The following MYH10 variants were observed in gnomAD, a reference collection of about 807,000 sequenced individuals.
MYH10 encodes myosin-10.
Under a neutral mutation model 257.8 loss-of-function variants are expected in MYH10, and 55 were observed. That is an observed-to-expected ratio of 0.21 (90% CI 0.17 to 0.27). MYH10 has a LOEUF of 0.27. MYH10 is among the 10% of genes least tolerant of loss of function. The pLI, the probability that MYH10 is intolerant of heterozygous loss-of-function variation, is 1.00. For missense variants in MYH10, 1,631 were observed against 2,500.6 expected, an observed-to-expected ratio of 0.65 and a Z score of 7.42; for synonymous variants, 854 against 921.7, an observed-to-expected ratio of 0.93 and a Z score of 1.33.
rs143734982 is a variant in MYH10, at chr17:8,504,566, C to T, written c.3599+128G>A. ...TTTCTAACCATTACCATTTAATCAC[C>T]GTTCCACCTGCCATCACAAGGAAAA... is the stretch of plus-strand genomic sequence containing the variant. On this transcript the variant is annotated intron_variant, in intron 28 of 42. Transcript: ENST00000360416. This position sits in a 1 kb window ranked among gnomAD's most constrained non-coding sequence, Gnocchi z 5.6. The T allele has an allele frequency of 2.2e-3, 1,712 of 768,866 alleles. 3 individuals carry two copies. Among genetic ancestry groups the T allele is most frequent in the Non-Finnish European group, 3.2e-3 (1,498 of 474,940 alleles). The allele number at this position is 768,866 out of a possible 1,614,324, so 47.6% of individuals were successfully genotyped here.
intron 2 of MYH10, among the ~76,000 whole-genome samples, chr17:8,607,746 T>G (rs563933009): frequency 1.3e-4 from 20 of 152,322 alleles, no homozygotes; most frequent in African/African-American, 4.6e-4. Context: ...ACTAAGCTTC[T>G]TTAAGAAACA....
chr17:8,592,114 T>C (rs1261053664), intron 3 of MYH10, among the ~76,000 whole-genome samples: 2 of 152,236 alleles, frequency 1.3e-5, no homozygotes, highest in East Asian at 3.9e-4. Context: ...TAGGGACTCA[T>C]TTGATAGCTC....
chr17:8,543,480 G>GTTT lies in MYH10; in HGVS notation c.1432-1203_1432-1201dup, dbSNP rs11392715. ...TTTAGCCTGGGCCATTACAAAGAAG[G>GTTT]TTTTTTTTTTTTTTTTAGGAGTCTC... On this transcript the variant is annotated intron_variant, in intron 13 of 42. Transcript: ENST00000360416. Among the ~76,000 whole-genome samples, 43 of 140,928 alleles carry GTTT rather than the reference G, an allele frequency of 3.1e-4. 2 individuals are homozygous for GTTT. Among genetic ancestry groups the GTTT allele is most frequent in the Non-Finnish European group, 3.5e-4 (23 of 65,628 alleles). The allele number at this position is 140,928 out of a possible 152,430, so 92.5% of individuals were successfully genotyped here.
intron 36 of MYH10, among the ~76,000 whole-genome samples, chr17:8,485,979 A>T (rs1023052298): frequency 9.9e-5 from 15 of 152,224 alleles, no homozygotes; most frequent in Non-Finnish European, 1.8e-4. Context: ...CACACAGTAG[A>T]GTGTTACTCA....
chr17:8,573,761 T>G (rs2083419657), intron 6 of MYH10: 1 of 732,680 alleles, frequency 1.4e-6, no homozygotes, highest in Non-Finnish European at 1.7e-6. Context: ...TATTTCAAGT[T>G]AAGTATTGTC....
chr17:8,620,689 T>C (rs1292106883), intron 2 of MYH10, among the ~76,000 whole-genome samples: 2 of 152,302 alleles, frequency 1.3e-5, no homozygotes, highest in South Asian at 2.1e-4. Flanking sequence ...CCAATACATA[T>C]TTATCACAAT....
At chr17:8,556,360 C>T (rs988364689) in intron 7 of MYH10, among the ~76,000 whole-genome samples, 1 of 152,204 alleles carries the variant, frequency 6.6e-6, no homozygotes, top group Non-Finnish European at 1.5e-5. Flanking sequence ...AAACTGGAAA[C>T]AACCCAATGT....
chr17:8,513,706 T>C (rs1567828514), intron 22 of MYH10, 37 bp from the exon 23 acceptor site: 2 of 1,609,292 alleles, frequency 1.2e-6, no homozygotes, highest in Non-Finnish European at 1.7e-6. Flanking sequence ...TTTTTTATCA[T>C]TCCAGCTCTT....
rs542934033 is a variant in MYH10 at position 8,525,016 on chromosome 17, G to C, written c.1958-3731C>G. Among the ~76,000 whole-genome samples, 12 of 152,278 alleles carry C rather than the reference G, an allele frequency of 7.9e-5. No homozygotes were observed. The South Asian group carries it at 2.1e-3, about 26-fold the overall frequency. The stretch of plus-strand genomic sequence containing the variant: ...AGTTGTGAGCCTGAAAAACATTCAA[G>C]TGTTCAACGAAGGCACCTCTCTTGT... On this transcript the variant is annotated intron_variant, in intron 17 of 42. Transcript: ENST00000360416.
At chr17:8,495,557 T>C (rs141806662) in intron 30 of MYH10, among the ~76,000 whole-genome samples, 2 of 152,274 alleles carry the variant, frequency 1.3e-5, no homozygotes, top group African/African-American at 4.8e-5. Context: ...AAGCAAAGCC[T>C]CTGAAAGAGT....
chr17:8,499,320 C>T lies in MYH10; in HGVS notation c.3901G>A (p.Glu1301Lys). 6.2e-7 allele frequency: 1 copy of T among 1,614,112 alleles called. No homozygotes were observed. The highest frequency in any genetic ancestry group is 1.3e-5 in the African/African-American group (1 of 75,016). The change falls in exon 30 of 43, where the codon GAA becomes AAA. Residue 1301 changes from glutamate (E) to lysine (K), a missense_variant. By Grantham distance (56) the Glu-to-Lys change is moderately conservative. Transcript: ENST00000360416. The part of the protein sequence containing the change: ...QVQELHAKVS[E>K]GDRLRVELAE... ...AGCTCCACCCTGAGCCTGTCGCCTT[C>T]AGAGACCTTGGCATGGAGCTCCTGG...
intron 4 of MYH10, among the ~76,000 whole-genome samples, chr17:8,579,542 C>T (rs1001220465): frequency 3.3e-5 from 5 of 152,142 alleles, no homozygotes; most frequent in African/African-American, 1.2e-4. Context: ...GCTGACAATT[C>T]TAGATATAAC....
chr17:8,487,548 G>A lies in MYH10; in HGVS notation c.4931C>T (p.Ala1644Val), dbSNP rs746613898. The change falls in exon 36 of 43, where the codon GCG (alanine) becomes GTG (valine). Residue 1644 changes from alanine (A) to valine (V), a missense_variant. Transcript: ENST00000360416. ...CTTTTTCTTTGAAGCTACAGCAAGC[G>A]CCCGCTGTTTCCTCTCATCCTCCAG... is the stretch of plus-strand genomic sequence containing the variant. ...AELEDERKQR[A>V]LAVASKKKME... The A allele has an allele frequency of 7.4e-6, 12 of 1,614,026 alleles. No individual in the cohort carries two copies. Among genetic ancestry groups the A allele is most frequent in the African/African-American group, 6.7e-5 (5 of 74,908 alleles).
At chr17:8,540,522 C>A in intron 14 of MYH10, among the ~76,000 whole-genome samples, 1 of 152,018 alleles carries the variant, frequency 6.6e-6, no homozygotes, top group Admixed American at 6.6e-5. Flanking sequence ...GGTCACAAAA[C>A]CATTAGATTT....
intron 31 of MYH10, 57 bp from the exon 32 acceptor site, chr17:8,493,942 C>T (rs910309381): frequency 5.2e-6 from 8 of 1,545,390 alleles, no homozygotes; most frequent in South Asian, 1.2e-5. Flanking sequence ...AAAACAAATA[C>T]ACCTGTATTA....
At chr17:8,606,985 C>G (rs2084836499) in intron 2 of MYH10, among the ~76,000 whole-genome samples, 1 of 152,168 alleles carries the variant, frequency 6.6e-6, no homozygotes, top group South Asian at 2.1e-4. Context: ...TCTATCTAGT[C>G]CCGTATTTCT....
chr17:8,532,879 G>A (rs1432354010), intron 16 of MYH10, among the ~76,000 whole-genome samples: 1 of 152,178 alleles, frequency 6.6e-6, no homozygotes, highest in East Asian at 1.9e-4. Flanking sequence ...TGCTGAACAG[G>A]TGTTTCCAAC....
intron 19 of MYH10, among the ~76,000 whole-genome samples, chr17:8,520,612 G>C (rs1329384151): frequency 6.6e-6 from 1 of 152,180 alleles, no homozygotes; most frequent in Non-Finnish European, 1.5e-5. Flanking sequence ...GCTAACTTCA[G>C]GGCCCTGAAA....
At chr17:8,582,456 G>A (rs768725428) in intron 4 of MYH10, among the ~76,000 whole-genome samples, 4 of 152,366 alleles carry the variant, frequency 2.6e-5, no homozygotes, top group Admixed American at 2.0e-4. Context: ...TCTAAGACAG[G>A]ACTATGGTTA....
Sources: allele counts gnomAD v4.1 joint callset (sites outside exome capture counted in the v4.1 genomes callset), GRCh38; gene constraint gnomAD v4.1.1; non-coding constraint Gnocchi (gnomAD v3.1); transcripts MANE v1.5; gene names NCBI Gene and HGNC (gene_info 2026-07-23, HGNC 2026-07-21).